The following PRKD1 variants were observed in gnomAD, a reference collection of about 807,000 sequenced individuals.
PRKD1 encodes the protein protein kinase D1, also known as serine/threonine-protein kinase D1.
PRKD1 carries 63 observed loss-of-function variants against 95.9 expected under a neutral mutation model. The ratio of observed to expected loss-of-function variants is 0.66; its 90% confidence interval spans 0.54 to 0.81. The LOEUF is 0.81. Ranked by LOEUF, PRKD1 falls within the 30% of genes least tolerant of loss-of-function variation. The pLI is 0.00. For synonymous variants in PRKD1, 425 were observed against 423.1 expected (o/e 1.00, Z -0.05); for missense variants, 1,048 against 1,165.3 (o/e 0.90, Z 1.47).
rs34880091 is a variant in PRKD1 at position 29,790,007 on chromosome 14, C to CTTTT, written c.265-64337_265-64334dup. Among the ~76,000 whole-genome samples, 555 of 97,298 alleles carry CTTTT rather than the reference C, an allele frequency of 5.7e-3. 39 individuals carry two copies. Among genetic ancestry groups the CTTTT allele is most frequent in the African/African-American group, 0.019 (448 of 23,498 alleles). The allele number at this position is 97,298 out of a possible 152,430, so 63.8% of individuals were successfully genotyped here. Reference sequence around the variant, plus strand: ...TTAGAAGCATTACCAAGCAAGTTGTCTTTTTTTTTTTTTTTTTTTTTTTGA... The same window carrying CTTTT: ...TTAGAAGCATTACCAAGCAAGTTGTCTTTTTTTTTTTTTTTTTTTTTTTTTTTGA... On this transcript the variant is annotated intron_variant, in intron 1 of 17. Coordinates refer to ENST00000331968, the MANE Select transcript of PRKD1 (RefSeq NM_002742.3).
intron 4 of PRKD1, among the ~76,000 whole-genome samples, chr14:29,642,109 G>A (rs370926772): frequency 2.0e-5 from 3 of 151,718 alleles, no homozygotes; most frequent in Admixed American, 6.6e-5. Flanking sequence ...CTCCATGTTC[G>A]TCAGGCTGGT....
chr14:29,920,587 T>TACACACACACACACAC (rs5807556), intron 1 of PRKD1, among the ~76,000 whole-genome samples: 67 of 141,376 alleles, frequency 4.7e-4, no homozygotes, highest in African/African-American at 1.5e-3. Flanking sequence ...TCCAGTCTAA[T>TACACACACACACACAC]ACACACACAC....
At position 29,638,685 on chromosome 14, in the gene PRKD1, C is replaced by T; in HGVS notation, c.907+9G>A. On this transcript the variant is annotated intron_variant, in intron 5 of 17. Transcript: ENST00000331968. ...ATCAAAGTTCGACAGGTGACAAAAT[C>T]ATCCTTACCTTTGCACTGCAAGCCC... 2 of 1,613,714 alleles carry T rather than the reference C, an allele frequency of 1.2e-6. No homozygotes were observed.
At chr14:29,645,284 G>T (rs2139158103) in intron 4 of PRKD1, among the ~76,000 whole-genome samples, 1 of 152,248 alleles carries the variant, frequency 6.6e-6, no homozygotes. Flanking sequence ...CTACAGAAGA[G>T]ATTTCTAACC....
intron 1 of PRKD1, among the ~76,000 whole-genome samples, chr14:29,741,070 C>T (rs1027760851): frequency 2.0e-5 from 3 of 151,708 alleles, no homozygotes; most frequent in Non-Finnish European, 4.4e-5. Context: ...CTTAGGGATA[C>T]AAAGAAAGGA....
At chr14:29,883,543 G>C (rs937864800) in intron 1 of PRKD1, among the ~76,000 whole-genome samples, 1 of 152,106 alleles carries the variant, frequency 6.6e-6, no homozygotes, top group Non-Finnish European at 1.5e-5. Flanking sequence ...CAAACATCAA[G>C]TCTGTTCTAA....
At chr14:29,787,209 T>C (rs144418365) in intron 1 of PRKD1, among the ~76,000 whole-genome samples, 1,670 of 149,018 alleles carry the variant, frequency 0.011, 28 homozygotes, top group African/African-American at 0.04. Flanking sequence ...ATATAATTTG[T>C]TCAGTGTTTT....
At chr14:29,823,195 C>T (rs557557774) in intron 1 of PRKD1, among the ~76,000 whole-genome samples, 14 of 152,236 alleles carry the variant, frequency 9.2e-5, no homozygotes, top group Admixed American at 3.3e-4. Context: ...CCATTTGATA[C>T]TGTAAATAAC....
intron 2 of PRKD1, among the ~76,000 whole-genome samples, chr14:29,720,829 T>C (rs1885858388): frequency 6.6e-6 from 1 of 151,898 alleles, no homozygotes; most frequent in Admixed American, 6.6e-5. Context: ...GCCCAAAGGT[T>C]TTGCAACTTG....
At chr14:29,693,484 A>G (rs1884348171) in intron 2 of PRKD1, among the ~76,000 whole-genome samples, 1 of 152,158 alleles carries the variant, frequency 6.6e-6, no homozygotes, top group Non-Finnish European at 1.5e-5. Context: ...ACTATGAAAA[A>G]TAAGTTGCTA....
chr14:29,733,256 C>G (rs976869351), intron 1 of PRKD1, among the ~76,000 whole-genome samples: 1 of 151,844 alleles, frequency 6.6e-6, no homozygotes, highest in African/African-American at 2.4e-5. Context: ...GCGCCCGCCA[C>G]CACACCTGGC....
At chr14:29,694,239 T>C (rs912569483) in intron 2 of PRKD1, among the ~76,000 whole-genome samples, 5 of 152,234 alleles carry the variant, frequency 3.3e-5, no homozygotes, top group Non-Finnish European at 7.3e-5. Context: ...AAATCGTTAT[T>C]GCTAACAAAT....
intron 3 of PRKD1, among the ~76,000 whole-genome samples, chr14:29,664,178 G>A (rs947239216): frequency 2.0e-5 from 3 of 152,244 alleles, no homozygotes; most frequent in South Asian, 2.1e-4. Flanking sequence ...TTTAGCTGCC[G>A]TAAGTTCAAA....
At chr14:29,823,075 C>T (rs571543172) in intron 1 of PRKD1, among the ~76,000 whole-genome samples, 36 of 152,196 alleles carry the variant, frequency 2.4e-4, no homozygotes, top group East Asian at 9.7e-4. Flanking sequence ...ACCTTAGACA[C>T]GTTGTTTGAT....
At chr14:29,626,191 A>G (rs1879607220) in intron 12 of PRKD1, among the ~76,000 whole-genome samples, 1 of 152,200 alleles carries the variant, frequency 6.6e-6, no homozygotes, top group South Asian at 2.1e-4. Context: ...TGTTTTCTCA[A>G]TATTTTGTCT....
At chr14:29,696,116 C>A (rs1300511881) in intron 2 of PRKD1, among the ~76,000 whole-genome samples, 1 of 152,172 alleles carries the variant, frequency 6.6e-6, no homozygotes, top group South Asian at 2.1e-4. Flanking sequence ...TTCAGCAAAT[C>A]GCATGTTAGA....
intron 1 of PRKD1, among the ~76,000 whole-genome samples, chr14:29,857,497 A>G (rs551975312): frequency 2.0e-5 from 3 of 152,358 alleles, no homozygotes; most frequent in African/African-American, 7.2e-5. Context: ...TGCCCACAGT[A>G]GGTCCTCTAC....
At chr14:29,802,486 T>C (rs557037893) in intron 1 of PRKD1, among the ~76,000 whole-genome samples, 2 of 152,222 alleles carry the variant, frequency 1.3e-5, no homozygotes, top group Non-Finnish European at 2.9e-5. Context: ...TAAATGTGGT[T>C]TTCTAGACCT....
chr14:29,712,934 T>C (rs764772908), intron 2 of PRKD1, among the ~76,000 whole-genome samples: 3 of 152,154 alleles, frequency 2.0e-5, no homozygotes, highest in East Asian at 1.9e-4. Context: ...GCCCAATCTT[T>C]TACCTCCAAC....
Sources: gnomAD v4.1 joint callset for allele counts (sites outside exome capture counted in the v4.1 genomes callset) on GRCh38, gnomAD v4.1.1 for gene constraint, MANE v1.5 for transcripts, NCBI Gene and HGNC (gene_info 2026-07-23, HGNC 2026-07-21) for gene names.